The following DIAPH2 variants were observed in gnomAD, a reference collection of about 807,000 sequenced individuals.
The protein encoded by DIAPH2 is protein diaphanous homolog 2.
A neutral mutation model predicts 92.7 loss-of-function variants in DIAPH2; 35 were observed. The observed-to-expected ratio is 0.38, with a 90% CI of 0.29 to 0.50. The LOEUF is 0.50. Ranked by LOEUF, DIAPH2 falls within the 20% of genes least tolerant of loss-of-function variation. DIAPH2 has a pLI of 0.94. For missense variants in DIAPH2, 701 were observed against 819.5 expected (o/e 0.86, Z 1.77); for synonymous variants, 301 against 280.4 (o/e 1.07, Z -0.73).
At chrX:97,565,358 C>T (rs192599445) in intron 26 of DIAPH2, among the ~76,000 whole-genome samples, 1 of 112,327 alleles carries the variant, frequency 8.9e-6, no homozygotes, top group East Asian at 2.8e-4. Flanking sequence ...GCATGGTATC[C>T]ACTAAATGCT....
chrX:96,929,385 A>G (rs1432853722), intron 9 of DIAPH2, among the ~76,000 whole-genome samples: 3 of 111,422 alleles, frequency 2.7e-5, no homozygotes, highest in South Asian at 7.4e-4. Context: ...TTATCTTGAT[A>G]CTTGAATGTT....
Position 97,548,925 on chromosome X carries a change from AGAGTGTATTTT to A in DIAPH2, c.3242-50326_3242-50316del, listed in dbSNP as rs1201637671. On this transcript the variant is annotated intron_variant, in intron 26 of 26. Coordinates refer to ENST00000324765, the MANE Select transcript of DIAPH2 (RefSeq NM_006729.5). ...TTAATATATTTGTTACTTTTAAAAGAGAGTGTATTTTGGAATTTTGCAGTTATTTGTATATT... is the reference window on the plus strand; with the variant it reads ...TTAATATATTTGTTACTTTTAAAAGAGGAATTTTGCAGTTATTTGTATATT... Among the ~76,000 whole-genome samples the A allele has an allele frequency of 2.7e-5, 3 of 112,351 alleles. No individual in the cohort carries two copies. The East Asian group carries it at 8.3e-4, about 31-fold the overall frequency.
chrX:97,311,561 TTG>T (rs2068794028), intron 23 of DIAPH2, among the ~76,000 whole-genome samples: 1 of 110,955 alleles, frequency 9.0e-6, no homozygotes, highest in African/African-American at 3.3e-5. Flanking sequence ...AGCTGTCTTC[TTG>T]TGCTGAGTTA....
intron 26 of DIAPH2, among the ~76,000 whole-genome samples, chrX:97,493,858 G>A (rs1252362945): frequency 1.8e-5 from 2 of 108,193 alleles, no homozygotes; most frequent in Non-Finnish European, 3.8e-5. Context: ...CTGCACTCTA[G>A]TCTGGGTGAC....
intron 17 of DIAPH2, among the ~76,000 whole-genome samples, chrX:97,069,182 C>T (rs934258179): frequency 1.7e-4 from 19 of 110,825 alleles, no homozygotes; most frequent in African/African-American, 5.6e-4. Context: ...AGGCTGGTCT[C>T]GAACTCCTGA....
At chrX:97,444,656 C>T (rs1460630070) in intron 26 of DIAPH2, among the ~76,000 whole-genome samples, 2 of 111,458 alleles carry the variant, frequency 1.8e-5, no homozygotes, top group African/African-American at 6.5e-5. Flanking sequence ...ATGTTTGTGA[C>T]ATCATCTCAG....
At chrX:96,729,239 G>A (rs1025417078) in intron 1 of DIAPH2, among the ~76,000 whole-genome samples, 17 of 111,793 alleles carry the variant, frequency 1.5e-4, no homozygotes, top group African/African-American at 5.2e-4. Flanking sequence ...AATAAGAGGC[G>A]GTTCCCAGCT....
rs758318611 is a variant in DIAPH2 at position 96,837,404 on chromosome X, C to CCTCTCTCTCT, written c.448-44154_448-44145dup. 2.8e-3 allele frequency among the ~76,000 whole-genome samples: 184 copies of CCTCTCTCTCT among 66,055 alleles called. 2 individuals carry two copies. The highest frequency in any genetic ancestry group is 4.5e-3 in the Non-Finnish European group (154 of 34,197). 57.4% of individuals were successfully genotyped at this position (66,055 alleles called of 115,157 possible). A position where few individuals can be genotyped will look rare whatever the true frequency, so the allele number is the denominator to read the frequency against. On this transcript the variant is annotated intron_variant, in intron 4 of 26. Transcript: ENST00000324765. ...CCTTCCCTCCCTCCCTTCCTCCCTC[C>CCTCTCTCTCT]CTCTCTCTCTCTCTCTCTCTCTCTC...
At chrX:96,983,753 T>A (rs1295378765) in intron 17 of DIAPH2, among the ~76,000 whole-genome samples, 1 of 111,739 alleles carries the variant, frequency 8.9e-6, no homozygotes, top group Non-Finnish European at 1.9e-5. Context: ...GTCATTTGCA[T>A]TTTGTTCCAG....
At chrX:97,548,998 A>G (rs2071200584) in intron 26 of DIAPH2, among the ~76,000 whole-genome samples, 1 of 112,849 alleles carries the variant, frequency 8.9e-6, no homozygotes, top group Non-Finnish European at 1.9e-5. Flanking sequence ...TTATAAAATG[A>G]CGGGTAATTT....
At chrX:97,031,789 C>T (rs963666316) in intron 17 of DIAPH2, among the ~76,000 whole-genome samples, 4 of 111,167 alleles carry the variant, frequency 3.6e-5, no homozygotes, top group Non-Finnish European at 5.7e-5. Flanking sequence ...AGAAGGCCAC[C>T]GAACTCCGAT....
At chrX:97,405,696 G>A (rs2069802750) in intron 25 of DIAPH2, among the ~76,000 whole-genome samples, 1 of 111,779 alleles carries the variant, frequency 8.9e-6, no homozygotes, top group African/African-American at 3.3e-5. Context: ...GTTGGTAGTA[G>A]TTCACATGGC....
chrX:97,263,788 T>C (rs1159672890), intron 23 of DIAPH2, among the ~76,000 whole-genome samples: 1 of 110,056 alleles, frequency 9.1e-6, no homozygotes, highest in East Asian at 2.8e-4. Context: ...GGTTTCACCA[T>C]GTTGGCCAGG....
At chrX:97,491,099 G>A (rs890663670) in intron 26 of DIAPH2, among the ~76,000 whole-genome samples, 2 of 111,561 alleles carry the variant, frequency 1.8e-5, no homozygotes, top group African/African-American at 6.5e-5. Flanking sequence ...AATATTTGGT[G>A]TATATATGGA....
chrX:96,869,874 T>G (rs1399420905), intron 4 of DIAPH2, among the ~76,000 whole-genome samples: 1 of 110,910 alleles, frequency 9.0e-6, no homozygotes, highest in Non-Finnish European at 1.9e-5. Context: ...GCTTTATTGT[T>G]CCCATTTTGC....
chrX:97,198,825 T>C (rs2147490522), intron 22 of DIAPH2, among the ~76,000 whole-genome samples: 1 of 111,434 alleles, frequency 9.0e-6, no homozygotes, highest in Non-Finnish European at 1.9e-5. Flanking sequence ...TTCCAGCACA[T>C]TCATTTGATA....
At chrX:97,172,026 A>T (rs2067458320) in intron 22 of DIAPH2, among the ~76,000 whole-genome samples, 1 of 111,916 alleles carries the variant, frequency 8.9e-6, no homozygotes, top group South Asian at 3.7e-4. Flanking sequence ...AGGCACAAAT[A>T]TAAACATTGT....
At chrX:97,217,113 T>C (rs1229084504) in intron 22 of DIAPH2, among the ~76,000 whole-genome samples, 1 of 111,927 alleles carries the variant, frequency 8.9e-6, no homozygotes, top group Non-Finnish European at 1.9e-5. Flanking sequence ...AGGAGAAATA[T>C]ATTTGATGCT....
intron 26 of DIAPH2, among the ~76,000 whole-genome samples, chrX:97,452,441 A>G (rs926574701): frequency 1.8e-5 from 2 of 111,956 alleles, no homozygotes; most frequent in Non-Finnish European, 3.8e-5. Flanking sequence ...CAAATTTAGC[A>G]TTCTGTAAAA....
Sources: gnomAD v4.1 joint callset for allele counts (sites outside exome capture counted in the v4.1 genomes callset) on GRCh38, gnomAD v4.1.1 for gene constraint, MANE v1.5 for transcripts, NCBI Gene and HGNC (gene_info 2026-07-23, HGNC 2026-07-21) for gene names.